Variants in MESD observed in about 807,000 individuals in gnomAD.
MESD encodes the protein LRP chaperone MESD.
Under a neutral mutation model 12.9 loss-of-function variants are expected in MESD, and 7 were observed. That is an observed-to-expected ratio of 0.54 (90% CI 0.31 to 1.02). MESD has a LOEUF of 1.02. Among genes scored for constraint, MESD ranks in the 50% least tolerant of loss-of-function variants. The pLI is 0.05. For synonymous variants in MESD, 126 were observed against 115.6 expected, an observed-to-expected ratio of 1.09 and a Z score of -0.58; for missense variants, 342 against 296.7, an observed-to-expected ratio of 1.15 and a Z score of -1.12.
In MESD at chr15:80,982,169, A is replaced by G. The variant is rs769066554; in HGVS notation, c.227T>C (p.Ile76Thr). Residue 76 changes from isoleucine (I) to threonine (T), a missense_variant, in exon 2 of 3, where the codon ATT becomes ACT. By Grantham distance (89) the Ile-to-Thr change is moderately conservative (BLOSUM62 -1). Coordinates refer to ENST00000261758, the MANE Select transcript of MESD (RefSeq NM_015154.3). ...LLEQWEKDDD[I>T]EEGDLPEHKR... is the part of the protein sequence containing the mutation. Reference sequence around the variant, plus strand: ...GTGCTCTGGAAGATCTCCTTCTTCAATGTCATCATCTTTCTATCAGATTAG... The same window carrying G: ...GTGCTCTGGAAGATCTCCTTCTTCAGTGTCATCATCTTTCTATCAGATTAG... The G allele has an allele frequency of 9.9e-6, 16 of 1,613,790 alleles. No homozygotes were observed. In the African/African-American group the frequency reaches 1.1e-4, roughly 11 times the overall value.
At chr15:80,959,942 G>A (rs1374923648) in intron 3 of MESD, among the ~76,000 whole-genome samples, 3 of 152,178 alleles carry the variant, frequency 2.0e-5, no homozygotes, top group Non-Finnish European at 4.4e-5. Context: ...TCCCATCATG[G>A]CTGATTTTCA....
intron 3 of MESD, among the ~76,000 whole-genome samples, chr15:80,969,008 G>A (rs934587504): frequency 1.3e-5 from 2 of 152,252 alleles, no homozygotes; most frequent in African/African-American, 2.4e-5. Flanking sequence ...GGGCAACATA[G>A]GGAGACCCTG....
intron 2 of MESD, among the ~76,000 whole-genome samples, chr15:80,980,996 C>A (rs1369286496): frequency 2.0e-5 from 3 of 151,670 alleles, no homozygotes; most frequent in Non-Finnish European, 4.4e-5. Context: ...GCTAATTTTT[C>A]TGTATTTTTA....
At chr15:80,982,617 C>G (rs1322915143) in intron 1 of MESD, among the ~76,000 whole-genome samples, 1 of 152,120 alleles carries the variant, frequency 6.6e-6, no homozygotes, top group African/African-American at 2.4e-5. Flanking sequence ...ATTTAAAATT[C>G]AAGAATGAGC....
rs1021353948 is a variant in MESD at position 80,985,045 on chromosome 15, G to A, written c.214-2863C>T. Among the ~76,000 whole-genome samples the A allele has an allele frequency of 4.6e-5, 7 of 152,142 alleles. No homozygotes were observed. In the East Asian group the frequency reaches 5.8e-4, roughly 13 times the overall value. ...TCATTTACAAAATGAAAAGCAGAACGAAGTGATCTCCAAGGCCCCAGTAAC... is the reference window on the plus strand; with the variant it reads ...TCATTTACAAAATGAAAAGCAGAACAAAGTGATCTCCAAGGCCCCAGTAAC... On this transcript the variant is annotated intron_variant, in intron 1 of 2. Transcript: ENST00000261758.
At position 80,979,191 on chromosome 15, in the gene MESD, C is replaced by A. The variant is rs758990502; in HGVS notation, c.*28G>T. On this transcript the variant is annotated 3_prime_UTR_variant, in exon 3 of 3. Coordinates refer to ENST00000261758, the MANE Select transcript of MESD (RefSeq NM_015154.3). ...CAAAGAGCTCTCCACGTCCACCTGT[C>A]CCCCCACAGCGCGTCACTGCTGCCC... 1.9e-6 allele frequency: 3 copies of A among 1,599,560 alleles called. No individual in the cohort carries two copies. Among genetic ancestry groups the A allele is most frequent in the East Asian group, 4.5e-5 (2 of 44,810 alleles).
At chr15:80,947,558 C>T (rs927124352) in exon 5 of MESD, 1 of 161,732 alleles carries the variant, frequency 6.2e-6, no homozygotes, top group Non-Finnish European at 1.4e-5. Flanking sequence ...CAGGCAGCTT[C>T]GGTGGTGAAG....
Position 80,989,566 on chromosome 15 carries a change from G to A in MESD, c.213+13C>T. Reference sequence around the variant, plus strand: ...ACAGAGAAGAGCCGGGAGGGTGTGCGCGCGCCGCGGACCTCCCATTGCTCC... The same window carrying A: ...ACAGAGAAGAGCCGGGAGGGTGTGCACGCGCCGCGGACCTCCCATTGCTCC... On this transcript the variant is annotated intron_variant, in intron 1 of 2. Coordinates refer to ENST00000261758, the MANE Select transcript of MESD (RefSeq NM_015154.3). 6.2e-7 allele frequency: 1 copy of A among 1,611,054 alleles called. No individual in the cohort carries two copies. Among genetic ancestry groups the A allele is most frequent in the Middle Eastern group, 1.7e-4 (1 of 6,052 alleles).
At chr15:80,962,163 A>C (rs1173749887) in intron 3 of MESD, among the ~76,000 whole-genome samples, 4 of 152,242 alleles carry the variant, frequency 2.6e-5, no homozygotes, top group Admixed American at 1.3e-4. Flanking sequence ...AAGCAAATGG[A>C]AAGCGAAAAA....
At chr15:80,985,655 T>C (rs1397179444) in intron 1 of MESD, among the ~76,000 whole-genome samples, 2 of 148,058 alleles carry the variant, frequency 1.4e-5, no homozygotes, top group Non-Finnish European at 3.0e-5. Context: ...TTTTTTTTTT[T>C]TTTTTTTTTA....
At position 80,952,039 on chromosome 15, in the gene MESD, G is replaced by A. The variant is rs117474068; in HGVS notation, c.*546C>T. ...AAGAGAAGATATCATTCATATGGCT[G>A]GCCATGTCCAGAACTTGCTGCGTCC... On this transcript the variant is annotated 3_prime_UTR_variant, in exon 4 of 5. Transcript: ENST00000561312. 2,951 of 367,072 alleles carry A rather than the reference G, an allele frequency of 8.0e-3. 25 individuals carry two copies. Among genetic ancestry groups the A allele is most frequent in the Middle Eastern group, 0.017 (27 of 1,548 alleles). The allele number at this position is 367,072 out of a possible 1,614,324, so 22.7% of individuals were successfully genotyped here. A position where few individuals can be genotyped will look rare whatever the true frequency, so the allele number is the denominator to read the frequency against.
chr15:80,946,380 G>C (rs887212924), downstream of MESD: 2 of 154,828 alleles, frequency 1.3e-5, no homozygotes, highest in African/African-American at 4.8e-5. Flanking sequence ...GTCTGCAATG[G>C]AGGAATTCTG....
intron 3 of MESD, among the ~76,000 whole-genome samples, chr15:80,955,987 C>T (rs1901974530): frequency 6.6e-6 from 1 of 151,994 alleles, no homozygotes; most frequent in African/African-American, 2.4e-5. Flanking sequence ...ATGAGTCATG[C>T]ATGACTCAGA....
intron 3 of MESD, among the ~76,000 whole-genome samples, chr15:80,965,777 G>A (rs1048844459): frequency 2.0e-5 from 3 of 152,124 alleles, no homozygotes; most frequent in African/African-American, 7.2e-5. Context: ...CACAGGGAGG[G>A]GAGCATCACA....
intron 3 of MESD, chr15:80,952,341 G>A (rs1901862996): frequency 2.5e-6 from 1 of 395,492 alleles, no homozygotes; most frequent in South Asian, 1.9e-5. Flanking sequence ...CAGGTGAACT[G>A]GGAGTGGTCC....
chr15:80,988,512 G>A (rs1902797315), intron 1 of MESD, among the ~76,000 whole-genome samples: 1 of 152,222 alleles, frequency 6.6e-6, no homozygotes, highest in Non-Finnish European at 1.5e-5. Context: ...GATTGCAAGG[G>A]AGACGGTGAA....
In MESD at chr15:80,979,430, C is replaced by G. The variant is rs775212077; in HGVS notation, c.494G>C (p.Ser165Thr). Residue 165 changes from serine to threonine, a missense_variant, in exon 3 of 3, where the codon AGC becomes ACC. Coordinates refer to ENST00000261758, the MANE Select transcript of MESD (RefSeq NM_015154.3). ...AAAGTCCTTGATCTCCCAGGCGTAGCTCCCATCGCGAAGCATGAAGATAGC... is the reference window on the plus strand; with the variant it reads ...AAAGTCCTTGATCTCCCAGGCGTAGGTCCCATCGCGAAGCATGAAGATAGC... ...DRAIFMLRDG[S>T]YAWEIKDFLV... The G allele has an allele frequency of 1.2e-6, 2 of 1,614,102 alleles. No homozygotes were observed.
intron 3 of MESD, among the ~76,000 whole-genome samples, chr15:80,969,660 C>G (rs7177780): frequency 0.22 from 33,192 of 152,016 alleles, 3,795 homozygotes; most frequent in Middle Eastern, 0.37. Context: ...CTCGAGACCA[C>G]CCTGGCCAAT....
At chr15:80,959,577 C>T (rs1048848415) in intron 3 of MESD, among the ~76,000 whole-genome samples, 5 of 152,154 alleles carry the variant, frequency 3.3e-5, no homozygotes, top group Non-Finnish European at 7.3e-5. Context: ...GCATATTCTC[C>T]AAACATGCCA....
Sources: allele counts gnomAD v4.1 joint callset (sites outside exome capture counted in the v4.1 genomes callset), GRCh38; gene constraint gnomAD v4.1.1; transcripts MANE v1.5; gene names NCBI Gene and HGNC (gene_info 2026-07-23, HGNC 2026-07-21).